SLC25A21: variants seen among roughly 807,000 people sequenced by gnomAD.
SLC25A21 encodes solute carrier family 25 member 21.
In SLC25A21, 47 loss-of-function variants were observed where a neutral mutation model predicts 43.8. The observed-to-expected ratio is 1.07, with a 90% CI of 0.85 to 1.37. The LOEUF (loss-of-function observed/expected upper bound fraction) is 1.37, where lower values mean the gene tolerates loss of function less well. Among genes scored for constraint, SLC25A21 ranks in the 40% most tolerant of loss-of-function variants. The pLI is 0.00. For synonymous variants in SLC25A21, 131 were observed against 121.3 expected (o/e 1.08, Z -0.52); for missense variants, 352 against 350.2 (o/e 1.00, Z -0.04).
chr14:36,983,935 A>C (rs543148032), intron 1 of SLC25A21, among the ~76,000 whole-genome samples: 1 of 152,188 alleles, frequency 6.6e-6, no homozygotes, highest in Non-Finnish European at 1.5e-5. Flanking sequence ...TGAGAACTAA[A>C]CAAGGGGTAC....
At chr14:37,093,966 G>T (rs1053479500) in intron 1 of SLC25A21, among the ~76,000 whole-genome samples, 10 of 152,166 alleles carry the variant, frequency 6.6e-5, no homozygotes, top group Admixed American at 5.2e-4. Context: ...AGGTTTGAGT[G>T]ACACGGTGGC....
intron 1 of SLC25A21, among the ~76,000 whole-genome samples, chr14:37,049,365 G>C (rs1165294751): frequency 1.3e-5 from 2 of 152,128 alleles, no homozygotes; most frequent in African/African-American, 4.8e-5. Context: ...TGAGCCCAGA[G>C]GAGTTCAAGA....
At chr14:37,119,361 C>T (rs1963163820) in intron 1 of SLC25A21, among the ~76,000 whole-genome samples, 1 of 152,110 alleles carries the variant, frequency 6.6e-6, no homozygotes, top group Non-Finnish European at 1.5e-5. Flanking sequence ...CCAGCCTGGC[C>T]AACATGGTGA....
chr14:37,115,764 C>T (rs1963095323), intron 1 of SLC25A21, among the ~76,000 whole-genome samples: 1 of 152,156 alleles, frequency 6.6e-6, no homozygotes, highest in Non-Finnish European at 1.5e-5. Context: ...ATGACCAAAA[C>T]ATCAACTTCA....
chr14:36,973,503 A>G (rs74781495), intron 1 of SLC25A21, among the ~76,000 whole-genome samples: 3,123 of 152,314 alleles, frequency 0.021, 58 homozygotes, highest in Non-Finnish European at 0.031. Flanking sequence ...AAAGAGAGAC[A>G]TGATGAATTT....
chr14:36,786,577 C>T (rs1343301846), intron 3 of SLC25A21, among the ~76,000 whole-genome samples: 1 of 152,166 alleles, frequency 6.6e-6, no homozygotes, highest in African/African-American at 2.4e-5. Context: ...GCAGGCAGAG[C>T]TTAAATCCAT....
chr14:36,956,441 C>T (rs1199196144), intron 1 of SLC25A21, among the ~76,000 whole-genome samples: 1 of 152,202 alleles, frequency 6.6e-6, no homozygotes, highest in African/African-American at 2.4e-5. Context: ...GTAATGCATA[C>T]TGTACCTTAC....
rs539065618 is a variant in SLC25A21, at chr14:36,928,315, A to C, written c.71-53311T>G. 9.8e-5 allele frequency among the ~76,000 whole-genome samples: 15 copies of C among 152,356 alleles called. No homozygotes were observed. The South Asian group carries it at 2.9e-3, about 29-fold the overall frequency. ...GATTTACTTAAGGAATAATGCCAGA[A>C]GCATTAAACATGATCGTTTTGCTTT... On this transcript the variant is annotated intron_variant, in intron 1 of 9. Transcript: ENST00000331299.
chr14:36,928,798 A>T (rs1351881204), intron 1 of SLC25A21, among the ~76,000 whole-genome samples: 1 of 152,152 alleles, frequency 6.6e-6, no homozygotes, highest in Non-Finnish European at 1.5e-5. Flanking sequence ...TTCCTGGCTA[A>T]AAAATCATTC....
At chr14:37,075,055 C>T (rs919535506) in intron 1 of SLC25A21, among the ~76,000 whole-genome samples, 16 of 152,240 alleles carry the variant, frequency 1.1e-4, no homozygotes, top group African/African-American at 3.6e-4. Context: ...TGAAGGTTTC[C>T]TGTGCAAATA....
At chr14:36,895,045 C>T (rs1891197238) in intron 1 of SLC25A21, among the ~76,000 whole-genome samples, 1 of 152,158 alleles carries the variant, frequency 6.6e-6, no homozygotes, top group Non-Finnish European at 1.5e-5. Flanking sequence ...CAGGATGATG[C>T]TGGCCTCATA....
chr14:36,986,381 A>G (rs756971392), intron 1 of SLC25A21, among the ~76,000 whole-genome samples: 1 of 151,972 alleles, frequency 6.6e-6, no homozygotes, highest in Non-Finnish European at 1.5e-5. Flanking sequence ...CAATTCCCCT[A>G]TATGTAACCA....
At chr14:36,683,789 A>G (rs1326911794) in intron 9 of SLC25A21, 39 bp downstream of exon 9, 2 of 1,454,002 alleles carry the variant, frequency 1.4e-6, no homozygotes, top group East Asian at 2.3e-5. Context: ...CGCTAGAACA[A>G]TAAAGAAGGA....
Position 37,000,698 on chromosome 14 carries a change from C to T in SLC25A21, c.71-125694G>A, listed in dbSNP as rs143650953. Among the ~76,000 whole-genome samples, 817 of 152,236 alleles carry T rather than the reference C, an allele frequency of 5.4e-3. 2 individuals are homozygous for T. The highest frequency in any genetic ancestry group is 0.017 in the African/African-American group (699 of 41,546). Reference sequence around the variant, plus strand: ...CACATGTCAGGGGAGGGACCTGGTGCGAGGTGATTGGATCATGTGAGTGGG... The same window carrying T: ...CACATGTCAGGGGAGGGACCTGGTGTGAGGTGATTGGATCATGTGAGTGGG... On this transcript the variant is annotated intron_variant, in intron 1 of 9. Coordinates refer to ENST00000331299, the MANE Select transcript of SLC25A21 (RefSeq NM_030631.4).
intron 1 of SLC25A21, among the ~76,000 whole-genome samples, chr14:37,136,690 C>T (rs1420293768): frequency 6.6e-6 from 1 of 151,328 alleles, no homozygotes; most frequent in East Asian, 2.0e-4. Flanking sequence ...AAAAATTATA[C>T]TATAACTTAT....
chr14:37,154,533 G>C (rs1373180159), intron 1 of SLC25A21, among the ~76,000 whole-genome samples: 1 of 151,396 alleles, frequency 6.6e-6, no homozygotes, highest in African/African-American at 2.4e-5. Context: ...TAATCAAAAA[G>C]ACATTTTCAA....
chr14:36,870,211 T>C (rs1890329753), intron 2 of SLC25A21, among the ~76,000 whole-genome samples: 1 of 152,132 alleles, frequency 6.6e-6, no homozygotes, highest in Non-Finnish European at 1.5e-5. Context: ...ACATTTACAG[T>C]TGACAAATTA....
intron 2 of SLC25A21, among the ~76,000 whole-genome samples, chr14:36,842,176 AGAC>A (rs1193316247): frequency 6.6e-6 from 1 of 152,216 alleles, no homozygotes; most frequent in Non-Finnish European, 1.5e-5. Context: ...ATAAACTAAC[AGAC>A]GCTAGCACAT....
At chr14:36,714,192 G>A (rs1025408224) in intron 6 of SLC25A21, among the ~76,000 whole-genome samples, 1 of 152,156 alleles carries the variant, frequency 6.6e-6, no homozygotes. Flanking sequence ...TAAAATGACA[G>A]GTGATTTCTT....
Sources: allele counts gnomAD v4.1 joint callset (sites outside exome capture counted in the v4.1 genomes callset), GRCh38; gene constraint gnomAD v4.1.1; transcripts MANE v1.5; gene names NCBI Gene and HGNC (gene_info 2026-07-23, HGNC 2026-07-21).